The following DISC1 variants were observed in gnomAD, a reference collection of about 807,000 sequenced individuals.
DISC1 encodes the protein disrupted in schizophrenia 1 protein.
DISC1 carries 57 observed loss-of-function variants against 84.5 expected under a neutral mutation model. The observed-to-expected ratio is 0.67, with a 90% CI of 0.55 to 0.84. DISC1 has a LOEUF of 0.84. Among genes scored for constraint, DISC1 ranks in the 40% least tolerant of loss-of-function variants. The pLI is 0.00. For missense variants in DISC1, 1,000 were observed against 1,057.8 expected (o/e 0.95, Z 0.76); for synonymous variants, 411 against 415.2 (o/e 0.99, Z 0.12).
intron 6 of DISC1, among the ~76,000 whole-genome samples, chr1:231,783,503 A>G (rs1158974214): frequency 6.6e-6 from 1 of 152,214 alleles, no homozygotes; most frequent in Non-Finnish European, 1.5e-5. Flanking sequence ...CACATGAATT[A>G]CAGTTTCAGT....
At position 231,897,684 on chromosome 1, in the gene DISC1, G is replaced by A. The variant is rs1167896902; in HGVS notation, c.1982-61144G>A. The stretch of plus-strand genomic sequence containing the variant: ...TTTGAGCTGGTCACCGTGTGCTGTT[G>A]TAGTAACAGGGCCTCCTGGTGCATT... On this transcript the variant is annotated intron_variant, in intron 9 of 12. Coordinates refer to ENST00000439617, the MANE Select transcript of DISC1 (RefSeq NM_018662.3). This position sits in a 1 kb window ranked among gnomAD's most constrained non-coding sequence, Gnocchi z 4.5. Among the ~76,000 whole-genome samples, 1 of 152,138 alleles carries A rather than the reference G, an allele frequency of 6.6e-6. No homozygotes were observed. Among genetic ancestry groups the A allele is most frequent in the Non-Finnish European group, 1.5e-5 (1 of 68,032 alleles).
intron 10 of DISC1, among the ~76,000 whole-genome samples, chr1:231,999,619 C>G (rs1487732674): frequency 1.3e-5 from 2 of 152,174 alleles, no homozygotes; most frequent in African/African-American, 2.4e-5. Context: ...CCACCAGGGG[C>G]AAGGGGAATT....
At chr1:232,006,775 C>G (rs895315161) in intron 10 of DISC1, among the ~76,000 whole-genome samples, 2 of 152,174 alleles carry the variant, frequency 1.3e-5, no homozygotes, top group African/African-American at 4.8e-5. Flanking sequence ...AAATGTTAAT[C>G]CCCAAGACAA....
intron 9 of DISC1, among the ~76,000 whole-genome samples, chr1:231,882,984 A>G (rs2086403328): frequency 6.6e-6 from 1 of 151,756 alleles, no homozygotes. Context: ...GCACAAGCAT[A>G]AGACGGTTCT....
intron 9 of DISC1, among the ~76,000 whole-genome samples, chr1:231,933,021 G>A (rs1454503389): frequency 6.6e-6 from 1 of 152,184 alleles, no homozygotes; most frequent in Non-Finnish European, 1.5e-5. Context: ...TACCACCCGA[G>A]CATCACCATA....
intron 6 of DISC1, among the ~76,000 whole-genome samples, chr1:231,781,283 A>G (rs1442758971): frequency 6.2e-4 from 1 of 1,610 alleles, no homozygotes; most frequent in Admixed American, 0.024. Flanking sequence ...ATGGATATGT[A>G]TTTTATAATG....
At chr1:231,866,467 A>G (rs2085062437) in intron 9 of DISC1, 3 of 776,092 alleles carry the variant, frequency 3.9e-6, no homozygotes, top group Non-Finnish European at 7.2e-6. Flanking sequence ...AACACTTATT[A>G]CAAGGCTCCA....
intron 11 of DISC1, among the ~76,000 whole-genome samples, chr1:232,011,823 T>C (rs1668045296): frequency 6.6e-6 from 1 of 152,046 alleles, no homozygotes; most frequent in Non-Finnish European, 1.5e-5. Flanking sequence ...AACCGGGCTA[T>C]AGATGTTTGA....
intron 6 of DISC1, among the ~76,000 whole-genome samples, chr1:231,780,379 T>TA (rs886529003): frequency 6.6e-6 from 1 of 152,030 alleles, no homozygotes; most frequent in Non-Finnish European, 1.5e-5. Flanking sequence ...CTTGCAGATG[T>TA]AAAAAAAGAC....
chr1:231,656,756 C>T (rs974580602), intron 1 of DISC1, among the ~76,000 whole-genome samples: 1 of 152,194 alleles, frequency 6.6e-6, no homozygotes, highest in African/African-American at 2.4e-5. Context: ...CATCAATTAG[C>T]TATTCTTCCT....
intron 1 of DISC1, among the ~76,000 whole-genome samples, chr1:231,639,118 A>T (rs935805038): frequency 6.6e-6 from 1 of 152,096 alleles, no homozygotes; most frequent in Non-Finnish European, 1.5e-5. Context: ...CAGGGAGAGG[A>T]TTAGGTAACG....
intron 9 of DISC1, among the ~76,000 whole-genome samples, chr1:231,875,876 A>G (rs1484536153): frequency 1.4e-4 from 22 of 152,242 alleles, no homozygotes; most frequent in Non-Finnish European, 8.8e-5. Flanking sequence ...GGGAAAAAGC[A>G]TAAAGCAAAC....
At chr1:231,652,062 C>T (rs746548291) in intron 1 of DISC1, among the ~76,000 whole-genome samples, 4 of 152,224 alleles carry the variant, frequency 2.6e-5, no homozygotes, top group East Asian at 1.9e-4. Context: ...GATAATGCCC[C>T]GCCCTGCTTC....
At chr1:231,894,251 T>C (rs1449646414) in intron 9 of DISC1, among the ~76,000 whole-genome samples, 1 of 152,228 alleles carries the variant, frequency 6.6e-6, no homozygotes, top group Non-Finnish European at 1.5e-5. Context: ...ATGAAATATT[T>C]CAGAAATATA....
chr1:232,010,163 C>G (rs1270037565), intron 11 of DISC1, among the ~76,000 whole-genome samples: 1 of 152,214 alleles, frequency 6.6e-6, no homozygotes, highest in Non-Finnish European at 1.5e-5. Context: ...CAGTCACAGG[C>G]TCTACGTTAA....
chr1:231,868,892 G>GA (rs60622045), intron 9 of DISC1, among the ~76,000 whole-genome samples: 12 of 141,134 alleles, frequency 8.5e-5, no homozygotes, highest in African/African-American at 2.1e-4. Context: ...CTCTAAAAAG[G>GA]AAAAAAAAAA....
chr1:231,924,780 C>T (rs2090244709), intron 9 of DISC1, among the ~76,000 whole-genome samples: 1 of 151,918 alleles, frequency 6.6e-6, no homozygotes, highest in Admixed American at 6.6e-5. Context: ...CCTCAGCCTC[C>T]TGAGTAGCTG....
At chr1:231,908,772 T>G (rs1329625024) in intron 9 of DISC1, among the ~76,000 whole-genome samples, 1 of 152,196 alleles carries the variant, frequency 6.6e-6, no homozygotes, top group Non-Finnish European at 1.5e-5. Flanking sequence ...GTATGGCCAT[T>G]TTCGCGATAT....
intron 8 of DISC1, among the ~76,000 whole-genome samples, chr1:231,801,628 T>C (rs2079265888): frequency 6.6e-6 from 1 of 152,200 alleles, no homozygotes. Context: ...CTGTATGCTC[T>C]TTGGTGGACC....
Sources: allele counts gnomAD v4.1 joint callset (sites outside exome capture counted in the v4.1 genomes callset), GRCh38; gene constraint gnomAD v4.1.1; non-coding constraint Gnocchi (gnomAD v3.1); transcripts MANE v1.5; gene names NCBI Gene and HGNC (gene_info 2026-07-23, HGNC 2026-07-21).